FGL1: variants seen among roughly 807,000 people sequenced by gnomAD.
The protein encoded by FGL1 is fibrinogen like 1.
FGL1 carries 59 observed loss-of-function variants against 43.7 expected under a neutral mutation model. The ratio of observed to expected loss-of-function variants is 1.35; its 90% confidence interval spans 1.10 to 1.68. FGL1 has a LOEUF of 1.68. FGL1 is among the 40% of genes most tolerant of loss of function. The pLI, the probability that FGL1 is intolerant of heterozygous loss-of-function variation, is 0.00. For missense variants in FGL1, 596 were observed against 373.0 expected (o/e 1.60, Z -4.92); for synonymous variants, 192 against 126.5 (o/e 1.52, Z -3.48).
chr8:17,871,262 G>T (rs552067137), intron 5 of FGL1, among the ~76,000 whole-genome samples: 1 of 152,094 alleles, frequency 6.6e-6, no homozygotes, highest in Non-Finnish European at 1.5e-5. Context: ...GGAGGCTAAG[G>T]CACGCAGATG....
chr8:17,885,971 C>T (rs1331923675), intron 1 of FGL1, among the ~76,000 whole-genome samples: 1 of 152,178 alleles, frequency 6.6e-6, no homozygotes, highest in Non-Finnish European at 1.5e-5. Flanking sequence ...TGAGGCTGGT[C>T]TCAAACTCCT....
intron 7 of FGL1, among the ~76,000 whole-genome samples, chr8:17,866,876 G>A (rs1365914307): frequency 6.6e-6 from 1 of 152,188 alleles, no homozygotes. Flanking sequence ...TGCTGACTTA[G>A]AAGAACAAGG....
chr8:17,886,630 C>A (rs536224690), intron 1 of FGL1, among the ~76,000 whole-genome samples: 1 of 151,998 alleles, frequency 6.6e-6, no homozygotes, highest in East Asian at 1.9e-4. Context: ...TGGTGGTGGG[C>A]GCCTGTACTC....
chr8:17,877,641 G>GGTAC (rs2053475996), intron 3 of FGL1, among the ~76,000 whole-genome samples: 1 of 151,986 alleles, frequency 6.6e-6, no homozygotes. Context: ...AAGGAAGGTG[G>GGTAC]GTACATAGTA....
At chr8:17,864,821 T>G in intron 7 of FGL1, 70 bp from the exon 8 acceptor site, 1 of 1,262,880 alleles carries the variant, frequency 7.9e-7, no homozygotes, top group Non-Finnish European at 1.0e-6. Flanking sequence ...ATCCCTTTTA[T>G]TTTGCTACAA....
intron 7 of FGL1, among the ~76,000 whole-genome samples, chr8:17,866,888 G>C (rs1008944215): frequency 6.6e-6 from 1 of 152,106 alleles, no homozygotes; most frequent in Non-Finnish European, 1.5e-5. Context: ...AGAACAAGGG[G>C]GAAAGAAAGG....
chr8:17,881,019 C>T (rs1442106564), intron 3 of FGL1, among the ~76,000 whole-genome samples: 1 of 152,090 alleles, frequency 6.6e-6, no homozygotes, highest in Admixed American at 6.5e-5. Context: ...CCTTATTTGC[C>T]ACCCTAATGC....
At chr8:17,865,990 C>G (rs978192373) in intron 7 of FGL1, among the ~76,000 whole-genome samples, 1 of 152,094 alleles carries the variant, frequency 6.6e-6, no homozygotes, top group East Asian at 1.9e-4. Context: ...TCAAAGCCTA[C>G]TGTGTTTTTA....
chr8:17,884,737 C>A (rs574839048), intron 2 of FGL1, among the ~76,000 whole-genome samples: 1 of 152,116 alleles, frequency 6.6e-6, no homozygotes, highest in African/African-American at 2.4e-5. Context: ...TCAAGTATGC[C>A]CAATCTTTAT....
At position 17,882,162 on chromosome 8, in the gene FGL1, G is replaced by C. The variant is rs371849393; in HGVS notation, c.81C>G (p.Ala27=). The change falls in exon 3 of 8, where the codon GCC becomes GCG. Residue 27 remains alanine (A), a synonymous_variant. Transcript: ENST00000427924. ...GGGCTCTGAGCCGCATCTGCTCCTGGGCACAGTCCTCGAGCGCCTGCAAAA... is the reference window on the plus strand; with the variant it reads ...GGGCTCTGAGCCGCATCTGCTCCTGCGCACAGTCCTCGAGCGCCTGCAAAA... ...GREISALEDC[A]QEQMRLRAQV... 3.7e-6 allele frequency: 6 copies of C among 1,613,526 alleles called. No homozygotes were observed. In the African/African-American group the frequency reaches 8.0e-5, roughly 22 times the overall value.
chr8:17,894,839 G>A (rs13279686), intron 1 of FGL1, among the ~76,000 whole-genome samples: 89,911 of 144,714 alleles, frequency 0.62, 31,423 homozygotes, highest in Middle Eastern at 0.73. Context: ...AATTTTACCT[G>A]CGCACACTGT....
At chr8:17,880,058 G>A (rs765611578) in intron 3 of FGL1, among the ~76,000 whole-genome samples, 9 of 152,124 alleles carry the variant, frequency 5.9e-5, no homozygotes, top group Admixed American at 3.3e-4. Flanking sequence ...TTAAACGATA[G>A]TCCGTTTGCT....
At chr8:17,889,188 G>A (rs934939558) in intron 1 of FGL1, among the ~76,000 whole-genome samples, 2 of 152,104 alleles carry the variant, frequency 1.3e-5, no homozygotes, top group Non-Finnish European at 2.9e-5. Context: ...AGTCTAACGT[G>A]GATTGGAAAA....
intron 1 of FGL1, among the ~76,000 whole-genome samples, chr8:17,888,638 G>C (rs767194277): frequency 2.0e-5 from 3 of 151,992 alleles, no homozygotes; most frequent in Admixed American, 2.0e-4. Flanking sequence ...AGGGTCCTTG[G>C]GAACACTCCT....
chr8:17,874,982 G>C (rs2131708821), intron 3 of FGL1, among the ~76,000 whole-genome samples: 1 of 152,074 alleles, frequency 6.6e-6, no homozygotes, highest in South Asian at 2.1e-4. Context: ...CAAGTTATGA[G>C]TAGTCTGTTA....
intron 3 of FGL1, among the ~76,000 whole-genome samples, chr8:17,881,138 A>ATTTTTTTTATTTTTTTTTTTTTTTTTTTT (rs2053528806): frequency 7.0e-6 from 1 of 142,932 alleles, no homozygotes; most frequent in African/African-American, 2.7e-5. Flanking sequence ...GTGTACACGG[A>ATTTTTTTTATTTTTTTTTTTTTTTTTTTT]TTTTTTTTTT....
intron 7 of FGL1, among the ~76,000 whole-genome samples, chr8:17,866,192 T>A (rs890120802): frequency 3.2e-4 from 49 of 152,150 alleles, no homozygotes; most frequent in African/African-American, 8.7e-4. Flanking sequence ...CTGAGACCAG[T>A]TTTCTAGCAT....
chr8:17,868,565 A>G lies in FGL1; in HGVS notation c.762T>C (p.Ser254=). Residue 254 remains serine, a synonymous_variant, in exon 7 of 8, where the codon TCT becomes TCC. Transcript: ENST00000427924. ...CATCAAACCTGTTAAACCACCAGCC[A>G]GACTGATCTTCTTCTGCGCAGTTCC... ...YEGNCAEEDQ[S]GWWFNRCHSA... 6.2e-7 allele frequency: 1 copy of G among 1,612,484 alleles called. No individual in the cohort carries two copies. Among genetic ancestry groups the G allele is most frequent in the East Asian group, 2.2e-5 (1 of 44,836 alleles).
intron 1 of FGL1, among the ~76,000 whole-genome samples, chr8:17,890,751 G>A (rs751760243): frequency 6.6e-6 from 1 of 152,144 alleles, no homozygotes; most frequent in Non-Finnish European, 1.5e-5. Context: ...CGTGGTGGAA[G>A]GGGAAGCAAA....
Sources: allele counts gnomAD v4.1 joint callset (sites outside exome capture counted in the v4.1 genomes callset), GRCh38; gene constraint gnomAD v4.1.1; transcripts MANE v1.5; gene names NCBI Gene and HGNC (gene_info 2026-07-23, HGNC 2026-07-21).